MYO7B: variants seen among roughly 807,000 people sequenced by gnomAD.
MYO7B encodes unconventional myosin-VIIb.
In MYO7B, 212 loss-of-function variants were observed where a neutral mutation model predicts 259.7. The observed-to-expected ratio is 0.82, with a 90% CI of 0.73 to 0.91. The LOEUF is 0.91. Among genes scored for constraint, MYO7B ranks in the 40% least tolerant of loss-of-function variants. The pLI is 0.00. For missense variants in MYO7B, 2,732 were observed against 2,813.5 expected, an observed-to-expected ratio of 0.97 and a Z score of 0.66; for synonymous variants, 1,197 against 1,166.4, an observed-to-expected ratio of 1.03 and a Z score of -0.54.
At chr2:127,619,546 C>T (rs1573702394) in intron 26 of MYO7B, among the ~76,000 whole-genome samples, 2 of 152,202 alleles carry the variant, frequency 1.3e-5, no homozygotes, top group East Asian at 3.9e-4. Context: ...CTCAGAGAGC[C>T]AGCCATGCAC....
chr2:127,557,114 G>T (rs1378010328), intron 1 of MYO7B, among the ~76,000 whole-genome samples: 12 of 152,060 alleles, frequency 7.9e-5, no homozygotes, highest in Non-Finnish European at 1.6e-4. Context: ...GTTGAATTGA[G>T]TTAATTCTGA....
chr2:127,543,873 T>C (rs931760040), intron 1 of MYO7B, among the ~76,000 whole-genome samples: 2 of 152,002 alleles, frequency 1.3e-5, no homozygotes, highest in African/African-American at 4.8e-5. Context: ...GCCTCCCAAA[T>C]AGCTGGGACT....
At position 127,609,778 on chromosome 2, in the gene MYO7B, G is replaced by T; in HGVS notation, c.3024+63G>T. 1.2e-6 allele frequency: 2 copies of T among 1,611,532 alleles called. No homozygotes were observed. The highest frequency in any genetic ancestry group is 1.7e-6 in the Non-Finnish European group (2 of 1,177,896). Reference sequence around the variant, plus strand: ...CCCCGAGCCTGGGGTGTGAGCTATGGCTCGGGGAAAGAAGGAAGGGGCCAT... The same window carrying T: ...CCCCGAGCCTGGGGTGTGAGCTATGTCTCGGGGAAAGAAGGAAGGGGCCAT... On this transcript the variant is annotated intron_variant, in intron 23 of 47. Transcript: ENST00000409816. The surrounding 1 kb of genome is among the most constrained non-coding windows in gnomAD (Gnocchi z 6.9).
chr2:127,620,114 C>T, intron 26 of MYO7B: 1 of 388,642 alleles, frequency 2.6e-6, no homozygotes, highest in South Asian at 7.9e-5. Context: ...CCGAGCCCCA[C>T]CCTAAAGGAC....
At chr2:127,561,408 A>C (rs1045216952) in intron 2 of MYO7B, among the ~76,000 whole-genome samples, 4 of 151,870 alleles carry the variant, frequency 2.6e-5, no homozygotes, top group Non-Finnish European at 5.9e-5. Flanking sequence ...ACAGGCACCC[A>C]CCACCATGCC....
At chr2:127,574,361 C>G (rs1678774243) in intron 7 of MYO7B, among the ~76,000 whole-genome samples, 1 of 152,148 alleles carries the variant, frequency 6.6e-6, no homozygotes, top group Admixed American at 6.5e-5. Flanking sequence ...CATGACAAAA[C>G]CCTGCCTCTA....
chr2:127,629,033 T>C (rs908093211), intron 34 of MYO7B, among the ~76,000 whole-genome samples: 1 of 152,066 alleles, frequency 6.6e-6, no homozygotes, highest in African/African-American at 2.4e-5. Context: ...CTGTGGGCTA[T>C]GGGGGAGCAT....
chr2:127,634,756 G>A lies in MYO7B; in HGVS notation c.5713+73G>A, dbSNP rs148137114. 1.1e-3 allele frequency: 1,454 copies of A among 1,319,646 alleles called. 11 individuals carry two copies. The African/African-American group carries it at 0.018, about 16-fold the overall frequency. 81.7% of individuals were successfully genotyped at this position (1,319,646 alleles called of 1,614,324 possible). A position where few individuals can be genotyped will look rare whatever the true frequency, so the allele number is the denominator to read the frequency against. ...GAGGGGGCACTGGCGGCCTCTGTGCGGCCCATGCCCATTCATCCATCCATT... is the reference window on the plus strand; with the variant it reads ...GAGGGGGCACTGGCGGCCTCTGTGCAGCCCATGCCCATTCATCCATCCATT... On this transcript the variant is annotated intron_variant, in intron 42 of 47. Coordinates refer to ENST00000409816, the MANE Select transcript of MYO7B (RefSeq NM_001393586.1).
rs1460642632 is a variant in MYO7B, at chr2:127,614,754, G to A, written c.3398+2151G>A. Reference sequence around the variant, plus strand: ...CCACAGATCTCTCTATCCCCATGAAGTCCCTTCCAGGAATCACATTCCAAA... The same window carrying A: ...CCACAGATCTCTCTATCCCCATGAAATCCCTTCCAGGAATCACATTCCAAA... On this transcript the variant is annotated intron_variant, in intron 26 of 47. Transcript: ENST00000409816. The surrounding 1 kb of genome is among the most constrained non-coding windows in gnomAD (Gnocchi z 4.6). Among the ~76,000 whole-genome samples, 1 of 152,130 alleles carries A rather than the reference G, an allele frequency of 6.6e-6. No individual in the cohort carries two copies. Among genetic ancestry groups the A allele is most frequent in the Non-Finnish European group, 1.5e-5 (1 of 68,026 alleles).
At position 127,578,162 on chromosome 2, in the gene MYO7B, CGACGCCA is replaced by C; in HGVS notation, c.880_886del (p.Asp294ArgfsTer10). 2 of 1,613,830 alleles carry C rather than the reference CGACGCCA, an allele frequency of 1.2e-6. No individual in the cohort carries two copies. Among genetic ancestry groups the C allele is most frequent in the Non-Finnish European group, 1.7e-6 (2 of 1,179,856 alleles). On this transcript the variant is annotated frameshift_variant, in exon 9 of 48. Transcript: ENST00000409816. LOFTEE classifies it high-confidence loss of function. Reference sequence around the variant, plus strand: ...ACTGCACTTCCTGTGAGGGGCTCAACGACGCCAAGGACTACGCCCACATCCGCTCGGC... The same window carrying C: ...ACTGCACTTCCTGTGAGGGGCTCAACAGGACTACGCCCACATCCGCTCGGC...
rs1056586989 is a variant in MYO7B at position 127,559,737 on chromosome 2, G to A, written c.15G>A (p.Arg5=). 1.2e-6 allele frequency: 2 copies of A among 1,613,964 alleles called. No homozygotes were observed. ...GCTGACTCAGGATGTCGGGGTTCAG[G>A]CTGGTAAGAATTGTATGATTTGATC... MSGF[R]LGDHVWLEPP... The change falls in exon 2 of 48, where the codon AGG becomes AGA. Residue 5 remains arginine, a synonymous_variant. Coordinates refer to ENST00000409816, the MANE Select transcript of MYO7B (RefSeq NM_001393586.1). This position sits in a 1 kb window ranked among gnomAD's most constrained non-coding sequence, Gnocchi z 4.1.
chr2:127,540,439 C>T lies in MYO7B; in HGVS notation c.-24+4608C>T, dbSNP rs888190143. ...TCGGCCTCCCAGAGTGTTGGGATTACAGGCGTGAGCCACCGCGCCCAGCCG... is the reference window on the plus strand; with the variant it reads ...TCGGCCTCCCAGAGTGTTGGGATTATAGGCGTGAGCCACCGCGCCCAGCCG... On this transcript the variant is annotated intron_variant, in intron 1 of 47. Transcript: ENST00000409816. Among the ~76,000 whole-genome samples the T allele has an allele frequency of 1.4e-4, 21 of 152,360 alleles. 2 individuals are homozygous for T. Among genetic ancestry groups the T allele is most frequent in the Admixed American group, 1.2e-3 (18 of 15,312 alleles).
At chr2:127,603,141 T>C (rs1680028817) in intron 19 of MYO7B, among the ~76,000 whole-genome samples, 1 of 152,226 alleles carries the variant, frequency 6.6e-6, no homozygotes, top group African/African-American at 2.4e-5. Flanking sequence ...TCCACTGAAG[T>C]CTTAACCCCT....
chr2:127,566,505 A>T, intron 4 of MYO7B, 138 bp from the exon 5 acceptor site: 1 of 767,244 alleles, frequency 1.3e-6, no homozygotes, highest in South Asian at 2.0e-5. Context: ...CCTGGCCCAG[A>T]ATCAGATTCT....
At chr2:127,594,818 G>A (rs941570676) in intron 18 of MYO7B, among the ~76,000 whole-genome samples, 3 of 152,220 alleles carry the variant, frequency 2.0e-5, no homozygotes, top group Non-Finnish European at 4.4e-5. Flanking sequence ...TCCTGGGGAT[G>A]AAGCCAACTT....
chr2:127,558,826 G>C (rs998458392), intron 1 of MYO7B, among the ~76,000 whole-genome samples: 1 of 152,222 alleles, frequency 6.6e-6, no homozygotes, highest in African/African-American at 2.4e-5. Flanking sequence ...TCACTCATAA[G>C]TGGGAGCTAA....
At chr2:127,624,410 T>C in intron 30 of MYO7B, 90 bp downstream of exon 30, 2 of 1,089,466 alleles carry the variant, frequency 1.8e-6, no homozygotes, top group Non-Finnish European at 2.6e-6. Context: ...TGAGGCCAGG[T>C]AGAAGGTGGG....
intron 2 of MYO7B, among the ~76,000 whole-genome samples, chr2:127,561,541 G>A (rs12105107): frequency 6.6e-6 from 1 of 152,070 alleles, no homozygotes. Context: ...GAGTGGTCAT[G>A]TTTTTAATGA....
At chr2:127,592,402 TA>T (rs1679590343) in intron 16 of MYO7B, among the ~76,000 whole-genome samples, 3 of 151,998 alleles carry the variant, frequency 2.0e-5, no homozygotes, top group Admixed American at 1.3e-4. Context: ...CTCAAAAAAA[TA>T]AATAAATAAA....
Sources: allele counts gnomAD v4.1 joint callset (sites outside exome capture counted in the v4.1 genomes callset), GRCh38; gene constraint gnomAD v4.1.1; non-coding constraint Gnocchi (gnomAD v3.1); transcripts MANE v1.5; gene names NCBI Gene and HGNC (gene_info 2026-07-23, HGNC 2026-07-21).